Variants in CC2D2B observed in about 807,000 individuals in gnomAD.
CC2D2B encodes the protein protein CC2D2B.
In CC2D2B, 128 loss-of-function variants were observed where a neutral mutation model predicts 161.2. That is an observed-to-expected ratio of 0.79 (90% CI 0.69 to 0.92). The LOEUF is 0.92. Ranked by LOEUF, CC2D2B falls within the 40% of genes least tolerant of loss-of-function variation. The pLI is 0.00. For synonymous variants in CC2D2B, 391 were observed against 449.8 expected (o/e 0.87, Z 1.65); for missense variants, 1,173 against 1,375.1 (o/e 0.85, Z 2.32).
chr10:96,014,410 T>C (rs2079106833), intron 29 of CC2D2B, among the ~76,000 whole-genome samples: 1 of 152,208 alleles, frequency 6.6e-6, no homozygotes, highest in African/African-American at 2.4e-5. Flanking sequence ...TATAACTTCT[T>C]TTCAAGTCTG....
Position 96,010,047 on chromosome 10 carries a change from A to G in CC2D2B, c.3045+124A>G, listed in dbSNP as rs1414209360. The G allele has an allele frequency of 2.3e-5, 14 of 615,086 alleles. No individual in the cohort carries two copies. In the South Asian group the frequency reaches 2.6e-4, roughly 12 times the overall value. The allele number at this position is 615,086 out of a possible 1,614,324, so 38.1% of individuals were successfully genotyped here. On this transcript the variant is annotated intron_variant, in intron 26 of 34. Transcript: ENST00000646931. ...GGTAGGTCAGTTAAGATGATCCTGTATTAGAATGTTCTGGGCTTTTGAAGT... is the reference window on the plus strand; with the variant it reads ...GGTAGGTCAGTTAAGATGATCCTGTGTTAGAATGTTCTGGGCTTTTGAAGT...
At chr10:95,942,931 T>C (rs2076071505) in intron 9 of CC2D2B, among the ~76,000 whole-genome samples, 1 of 152,166 alleles carries the variant, frequency 6.6e-6, no homozygotes, top group Non-Finnish European at 1.5e-5. Context: ...TTCACAGACC[T>C]GTTGTTTTTG....
intron 12 of CC2D2B, among the ~76,000 whole-genome samples, chr10:95,962,270 A>T (rs543865982): frequency 6.6e-6 from 1 of 152,282 alleles, no homozygotes; most frequent in South Asian, 2.1e-4. Flanking sequence ...AAGATGCTCA[A>T]TATTGTCATG....
Position 95,926,815 on chromosome 10 carries a change from AGTGTGT to A in CC2D2B, c.241-395_241-390del, listed in dbSNP as rs71486778. On this transcript the variant is annotated intron_variant, in intron 5 of 34. Transcript: ENST00000646931. ...ATGAAAGATTGTGGGCTGAGGTGGC[AGTGTGT>A]GTGTGTGTGTGTGTGTGTGTGTGTG... 6.7e-3 allele frequency among the ~76,000 whole-genome samples: 899 copies of A among 134,976 alleles called. 5 individuals are homozygous for A. The highest frequency in any genetic ancestry group is 0.011 in the Admixed American group (135 of 12,808). 88.5% of individuals were successfully genotyped at this position (134,976 alleles called of 152,430 possible).
Position 95,995,327 on chromosome 10 carries a change from ACAAT to A in CC2D2B, c.2705_2708del (p.Ile902AsnfsTer3). 1.3e-6 allele frequency: 2 copies of A among 1,532,126 alleles called. No homozygotes were observed. Among genetic ancestry groups the A allele is most frequent in the Non-Finnish European group, 1.7e-6 (2 of 1,144,598 alleles). The allele number at this position is 1,532,126 out of a possible 1,614,324, so 94.9% of individuals were successfully genotyped here. A position where few individuals can be genotyped will look rare whatever the true frequency, so the allele number is the denominator to read the frequency against. On this transcript the variant is annotated frameshift_variant, in exon 23 of 35. Transcript: ENST00000646931. LOFTEE classifies it high-confidence loss of function. ...TATATCTTGCCTCAGACATAGAGAA[ACAAT>A]CAAATCAGTAGCCTCAGATGAGACC...
chr10:95,924,230 GA>G (rs1002690749), intron 3 of CC2D2B, 83 bp from the exon 4 acceptor site: 1 of 684,526 alleles, frequency 1.5e-6, no homozygotes, highest in Non-Finnish European at 2.4e-6. Flanking sequence ...TGCAATTAAA[GA>G]ATTTAATAAA....
At chr10:96,003,073 A>G (rs1442348292) in intron 24 of CC2D2B, among the ~76,000 whole-genome samples, 2 of 149,772 alleles carry the variant, frequency 1.3e-5, no homozygotes, top group Non-Finnish European at 3.0e-5. Context: ...AAAAATATTA[A>G]AAAGAAGAAA....
chr10:95,923,096 G>A (rs750587688), intron 3 of CC2D2B, among the ~76,000 whole-genome samples: 15 of 152,166 alleles, frequency 9.9e-5, no homozygotes, highest in Non-Finnish European at 1.6e-4. Flanking sequence ...GGGATTACAG[G>A]CATGTGCCAC....
intron 2 of CC2D2B, among the ~76,000 whole-genome samples, chr10:95,915,174 G>GT (rs2098513851): frequency 6.6e-6 from 1 of 152,068 alleles, no homozygotes; most frequent in African/African-American, 2.4e-5. Flanking sequence ...TGTAACTATT[G>GT]TAAGTGGGAT....
intron 12 of CC2D2B, 107 bp downstream of exon 12, chr10:95,962,076 C>T: frequency 1.6e-6 from 1 of 619,162 alleles, no homozygotes; most frequent in East Asian, 3.5e-5. Flanking sequence ...GCAACTATTC[C>T]ATGTAGTCAA....
At chr10:95,965,841 C>A in intron 12 of CC2D2B, 55 bp from the exon 13 acceptor site, 2 of 614,690 alleles carry the variant, frequency 3.3e-6, no homozygotes, top group Non-Finnish European at 4.6e-6. Context: ...TCTCGAACAA[C>A]TCTCAAATAC....
intron 13 of CC2D2B, 64 bp downstream of exon 13, chr10:95,966,062 G>T (rs1420149015): frequency 1.3e-6 from 1 of 761,560 alleles, no homozygotes; most frequent in Non-Finnish European, 1.8e-6. Flanking sequence ...TTGATAGAAT[G>T]TGAAATCTTG....
chr10:95,993,982 A>G (rs1178336645), intron 22 of CC2D2B, among the ~76,000 whole-genome samples: 1 of 93,986 alleles, frequency 1.1e-5, no homozygotes, highest in East Asian at 2.8e-4. Flanking sequence ...ATATATATAT[A>G]TATATATATA....
chr10:95,929,909 TA>T (rs1413945338), intron 6 of CC2D2B, among the ~76,000 whole-genome samples: 2 of 152,220 alleles, frequency 1.3e-5, no homozygotes, highest in African/African-American at 4.8e-5. Flanking sequence ...AAATTTAAAG[TA>T]TTTTTTTCTA....
chr10:96,017,469 T>C (rs2079254461), intron 30 of CC2D2B, among the ~76,000 whole-genome samples: 1 of 152,114 alleles, frequency 6.6e-6, no homozygotes, highest in Admixed American at 6.6e-5. Flanking sequence ...CTGCAGGAGG[T>C]AGCCCTGCAC....
chr10:95,941,389 A>C (rs1163413338), intron 9 of CC2D2B, among the ~76,000 whole-genome samples: 1 of 152,196 alleles, frequency 6.6e-6, no homozygotes, highest in Non-Finnish European at 1.5e-5. Context: ...GGAAACAATC[A>C]CCAGAGACAG....
intron 11 of CC2D2B, among the ~76,000 whole-genome samples, chr10:95,957,553 A>AT (rs869263327): frequency 0.13 from 10,823 of 83,646 alleles, 1,136 homozygotes; most frequent in Middle Eastern, 0.17. Flanking sequence ...GCTGACAATG[A>AT]TTTTTTTTTT....
At chr10:95,919,752 G>T (rs1287162831) in intron 2 of CC2D2B, 1 of 152,116 alleles carries the variant, frequency 6.6e-6, no homozygotes, top group African/African-American at 2.4e-5. Context: ...AGTGAAGCAG[G>T]TTCCCTTCTG....
chr10:95,958,982 A>G (rs534591579), intron 11 of CC2D2B, among the ~76,000 whole-genome samples: 2 of 152,338 alleles, frequency 1.3e-5, no homozygotes, highest in Admixed American at 1.3e-4. Context: ...GAGACAGCAC[A>G]AATATACAAT....
Sources: allele counts gnomAD v4.1 joint callset (sites outside exome capture counted in the v4.1 genomes callset), GRCh38; gene constraint gnomAD v4.1.1; transcripts MANE v1.5; gene names NCBI Gene and HGNC (gene_info 2026-07-23, HGNC 2026-07-21).